Variants in KCNIP4 observed in about 807,000 individuals in gnomAD.
The protein encoded by KCNIP4 is potassium voltage-gated channel interacting protein 4.
KCNIP4 carries 12 observed loss-of-function variants against 34.0 expected under a neutral mutation model. The observed-to-expected ratio is 0.35, with a 90% CI of 0.23 to 0.57. The LOEUF is 0.57. Ranked by LOEUF, KCNIP4 falls within the 20% of genes least tolerant of loss-of-function variation. The probability of loss-of-function intolerance (pLI) is 0.83; values close to 1 mark genes in which losing one functional copy is unlikely to be tolerated. For synonymous variants in KCNIP4, 124 were observed against 102.2 expected, an observed-to-expected ratio of 1.21 and a Z score of -1.29; for missense variants, 238 against 311.7, an observed-to-expected ratio of 0.76 and a Z score of 1.78.
intron 1 of KCNIP4, among the ~76,000 whole-genome samples, chr4:21,561,860 C>T (rs555607229): frequency 3.9e-5 from 6 of 152,036 alleles, no homozygotes; most frequent in South Asian, 2.1e-4. Flanking sequence ...TGGAAAATCA[C>T]ATTGCCTTCC....
intron 1 of KCNIP4, among the ~76,000 whole-genome samples, chr4:21,838,910 G>A (rs1291995884): frequency 2.0e-5 from 3 of 152,088 alleles, no homozygotes; most frequent in African/African-American, 4.8e-5. Flanking sequence ...ATAGCCACAT[G>A]ATATTTACTG....
chr4:21,531,590 T>C (rs1318499296), intron 1 of KCNIP4, among the ~76,000 whole-genome samples: 1 of 152,030 alleles, frequency 6.6e-6, no homozygotes, highest in Non-Finnish European at 1.5e-5. Flanking sequence ...TTGGCCAGGC[T>C]GGTCTGGAAC....
intron 1 of KCNIP4, among the ~76,000 whole-genome samples, chr4:21,824,250 C>T (rs1311270598): frequency 6.6e-6 from 1 of 152,114 alleles, no homozygotes; most frequent in African/African-American, 2.4e-5. Context: ...ATCATAATAG[C>T]CATTTCCCAA....
chr4:21,199,560 C>T (rs1200697906), intron 1 of KCNIP4, among the ~76,000 whole-genome samples: 1 of 152,120 alleles, frequency 6.6e-6, no homozygotes, highest in Non-Finnish European at 1.5e-5. Flanking sequence ...TGTGCAGAAG[C>T]TCTTTAGTTT....
chr4:21,500,056 A>T lies in KCNIP4; in HGVS notation c.61+448515T>A, dbSNP rs115373996. Among the ~76,000 whole-genome samples, 253 of 152,316 alleles carry T rather than the reference A, an allele frequency of 1.7e-3. 1 individual carries two copies. The highest frequency in any genetic ancestry group is 5.9e-3 in the African/African-American group (246 of 41,580). On this transcript the variant is annotated intron_variant, in intron 1 of 8. Transcript: ENST00000382152. ...TTAATTTGAGATAATCAAAAATTCA[A>T]GTTCACATACAAAGTCAGTGTTATT...
intron 1 of KCNIP4, among the ~76,000 whole-genome samples, chr4:21,622,576 T>C (rs1390923195): frequency 6.6e-6 from 1 of 152,232 alleles, no homozygotes; most frequent in African/African-American, 2.4e-5. Flanking sequence ...ATAATATCTG[T>C]TAATTTAACA....
chr4:21,713,713 C>T (rs1713925919), intron 1 of KCNIP4, among the ~76,000 whole-genome samples: 1 of 152,180 alleles, frequency 6.6e-6, no homozygotes, highest in Non-Finnish European at 1.5e-5. Context: ...TTCTACCTCA[C>T]TGTATGTTTT....
chr4:21,526,946 G>C (rs1736022509), intron 1 of KCNIP4, among the ~76,000 whole-genome samples: 1 of 152,002 alleles, frequency 6.6e-6, no homozygotes. Flanking sequence ...ATCACAAAAG[G>C]GTACTTTTTA....
chr4:21,005,613 C>A (rs1400753039), intron 1 of KCNIP4, among the ~76,000 whole-genome samples: 1 of 152,008 alleles, frequency 6.6e-6, no homozygotes, highest in Non-Finnish European at 1.5e-5. Context: ...AGAACTCAGA[C>A]CAAATGAGTT....
intron 1 of KCNIP4, among the ~76,000 whole-genome samples, chr4:21,358,019 G>T (rs764865298): frequency 2.0e-5 from 3 of 152,090 alleles, no homozygotes; most frequent in Non-Finnish European, 4.4e-5. Context: ...ATCCTTTGTA[G>T]GGACGTGGAT....
chr4:21,212,853 C>A (rs1369419047), intron 1 of KCNIP4, among the ~76,000 whole-genome samples: 1 of 152,164 alleles, frequency 6.6e-6, no homozygotes, highest in African/African-American at 2.4e-5. Context: ...TTTGGGGAAA[C>A]ACATTCAGAC....
chr4:20,949,014 G>A (rs1288546792), intron 1 of KCNIP4, among the ~76,000 whole-genome samples: 3 of 152,150 alleles, frequency 2.0e-5, no homozygotes, highest in Non-Finnish European at 2.9e-5. Context: ...GAAAGTCAAG[G>A]ATAGGGAGTA....
At chr4:21,339,590 G>C (rs1413257782) in intron 1 of KCNIP4, among the ~76,000 whole-genome samples, 1 of 152,148 alleles carries the variant, frequency 6.6e-6, no homozygotes, top group African/African-American at 2.4e-5. Flanking sequence ...GGGATAAATA[G>C]AAAGGGAATA....
chr4:21,795,343 CTG>C (rs1475414078), intron 1 of KCNIP4, among the ~76,000 whole-genome samples: 7 of 152,160 alleles, frequency 4.6e-5, no homozygotes, highest in Non-Finnish European at 8.8e-5. Context: ...GCCTGCAGAA[CTG>C]TGAGAAAAAC....
intron 1 of KCNIP4, among the ~76,000 whole-genome samples, chr4:21,635,182 T>G (rs900525867): frequency 1.3e-5 from 2 of 152,196 alleles, no homozygotes; most frequent in Non-Finnish European, 2.9e-5. Flanking sequence ...CCATACTTCA[T>G]TGAAACTTAC....
intron 1 of KCNIP4, among the ~76,000 whole-genome samples, chr4:21,522,269 T>C (rs374291495): frequency 1.2e-4 from 18 of 152,134 alleles, no homozygotes; most frequent in East Asian, 1.2e-3. Flanking sequence ...TTTTTTAACC[T>C]CTTTATGAGA....
chr4:20,742,870 CAG>C (rs1346469574), intron 5 of KCNIP4, among the ~76,000 whole-genome samples: 2 of 152,174 alleles, frequency 1.3e-5, no homozygotes, highest in South Asian at 2.1e-4. Flanking sequence ...AGCGAAGTCT[CAG>C]GGTACAAAAA....
intron 1 of KCNIP4, among the ~76,000 whole-genome samples, chr4:20,967,475 G>A (rs977049105): frequency 2.0e-5 from 3 of 152,068 alleles, no homozygotes; most frequent in African/African-American, 2.4e-5. Flanking sequence ...CAGCCAAGAC[G>A]ATCCTAAGCA....
intron 1 of KCNIP4, among the ~76,000 whole-genome samples, chr4:21,595,478 AT>A (rs1211038056): frequency 6.6e-6 from 1 of 152,112 alleles, no homozygotes; most frequent in African/African-American, 2.4e-5. Context: ...TTATAGTAGA[AT>A]GATTTATAAT....
Sources: allele counts gnomAD v4.1 joint callset (sites outside exome capture counted in the v4.1 genomes callset), GRCh38; gene constraint gnomAD v4.1.1; transcripts MANE v1.5; gene names NCBI Gene and HGNC (gene_info 2026-07-23, HGNC 2026-07-21).